The following MTR variants were observed in gnomAD, a reference collection of about 807,000 sequenced individuals.
MTR encodes the protein 5-methyltetrahydrofolate-homocysteine methyltransferase.
MTR carries 84 observed loss-of-function variants against 154.8 expected under a neutral mutation model. The observed-to-expected ratio is 0.54, with a 90% CI of 0.45 to 0.65. The LOEUF is 0.65. Among genes scored for constraint, MTR ranks in the 30% least tolerant of loss-of-function variants. The pLI is 0.00. For synonymous variants in MTR, 554 were observed against 553.9 expected (o/e 1.00, Z 0.00); for missense variants, 1,275 against 1,570.2 (o/e 0.81, Z 3.18).
chr1:236,822,315 T>C (rs1237402114), intron 8 of MTR, among the ~76,000 whole-genome samples: 1 of 148,660 alleles, frequency 6.7e-6, no homozygotes, highest in Admixed American at 6.7e-5. Context: ...TTTTTTTGTT[T>C]TTTTTTTTTT....
At chr1:236,897,339 C>CACACACACACACACACACAT (rs1666717920) in intron 32 of MTR, among the ~76,000 whole-genome samples, 4 of 151,364 alleles carry the variant, frequency 2.6e-5, no homozygotes, top group Admixed American at 2.6e-4. Flanking sequence ...CACACACACA[C>CACACACACACACACACACAT]ACACATACAG....
intron 14 of MTR, among the ~76,000 whole-genome samples, chr1:236,837,785 G>C (rs1662994696): frequency 6.6e-6 from 1 of 152,076 alleles, no homozygotes; most frequent in South Asian, 2.1e-4. Flanking sequence ...TCATTTCTTT[G>C]TATCAATCTA....
At chr1:236,816,695 C>T (rs1661614140) in intron 8 of MTR, 152 bp downstream of exon 8, 1 of 741,516 alleles carries the variant, frequency 1.3e-6, no homozygotes, top group African/African-American at 1.7e-5. Context: ...TCAGACTTTT[C>T]CCTAAAGGTT....
intron 19 of MTR, among the ~76,000 whole-genome samples, chr1:236,860,410 G>T (rs61059567): frequency 0.5 from 53,040 of 105,176 alleles, 10,154 homozygotes; most frequent in Admixed American, 0.53. Flanking sequence ...GTTTTGTTTT[G>T]TTTTTTTTTG....
At chr1:236,877,405 C>T (rs1446805156) in intron 24 of MTR, among the ~76,000 whole-genome samples, 1 of 152,202 alleles carries the variant, frequency 6.6e-6, no homozygotes, top group Non-Finnish European at 1.5e-5. Context: ...CAGCAGGTTC[C>T]TCCACCCAGT....
At chr1:236,884,738 T>C (rs1665925481) in intron 25 of MTR, among the ~76,000 whole-genome samples, 1 of 152,142 alleles carries the variant, frequency 6.6e-6, no homozygotes, top group Non-Finnish European at 1.5e-5. Context: ...AATTGTTCAG[T>C]CTTCAGTCCC....
At chr1:236,848,202 G>A (rs1210797865) in intron 15 of MTR, among the ~76,000 whole-genome samples, 1 of 151,150 alleles carries the variant, frequency 6.6e-6, no homozygotes, top group African/African-American at 2.4e-5. Context: ...GCACCTGCTT[G>A]TCCCACAAGC....
At chr1:236,834,494 T>G (rs1662789683) in intron 13 of MTR, among the ~76,000 whole-genome samples, 1 of 152,182 alleles carries the variant, frequency 6.6e-6, no homozygotes, top group African/African-American at 2.4e-5. Context: ...TTTACTGAAT[T>G]TAAGTGTGAT....
intron 19 of MTR, 49 bp downstream of exon 19, chr1:236,859,971 A>G: frequency 6.7e-7 from 1 of 1,495,038 alleles, no homozygotes; most frequent in Non-Finnish European, 9.3e-7. Context: ...ATCATGGCTG[A>G]CTGATCCTGT....
chr1:236,830,399 C>T (rs539947561), intron 12 of MTR, among the ~76,000 whole-genome samples: 59 of 151,868 alleles, frequency 3.9e-4, no homozygotes, highest in Middle Eastern at 6.9e-3. Context: ...AACAAGAGAG[C>T]CATTTACATA....
chr1:236,882,284 G>A (rs1311821963), intron 25 of MTR, among the ~76,000 whole-genome samples: 1 of 152,108 alleles, frequency 6.6e-6, no homozygotes, highest in African/African-American at 2.4e-5. Flanking sequence ...TCCTTTCAGA[G>A]GCAAGACTTT....
intron 9 of MTR, among the ~76,000 whole-genome samples, chr1:236,824,937 T>G (rs1295569724): frequency 2.6e-5 from 4 of 152,204 alleles, no homozygotes; most frequent in Admixed American, 2.6e-4. Flanking sequence ...TTGATTTTTG[T>G]TTGTTTTTAA....
intron 2 of MTR, among the ~76,000 whole-genome samples, chr1:236,804,034 A>G (rs1299183540): frequency 1.4e-5 from 2 of 140,494 alleles, no homozygotes; most frequent in African/African-American, 4.9e-5. Flanking sequence ...ACTGGGTTAT[A>G]CAAGCACACA....
At chr1:236,801,532 C>G (rs1456482091) in intron 1 of MTR, among the ~76,000 whole-genome samples, 1 of 152,184 alleles carries the variant, frequency 6.6e-6, no homozygotes, top group African/African-American at 2.4e-5. Flanking sequence ...CCAATACCAG[C>G]TTACAAATAT....
Position 236,862,341 on chromosome 1 carries a change from G to T in MTR, c.2302G>T (p.Glu768Ter). The T allele has an allele frequency of 6.2e-7, 1 of 1,612,432 alleles. No homozygotes were observed. Reference protein sequence around the residue: ...TRVLNGTVEEEDPYQGTIVLA... With the variant: ...TRVLNGTVEE ...AGTGCTTAACGGCACAGTAGAAGAA[G>T]AGGCAAGTCATTTTGTTCAGGCCTA... The change falls in exon 21 of 33, where the codon GAG becomes TAG. Residue 768 changes from glutamate to a stop codon, truncating the protein, a stop_gained and splice_region_variant. Coordinates refer to ENST00000366577, the MANE Select transcript of MTR (RefSeq NM_000254.3). LOFTEE classifies it high-confidence loss of function.
intron 15 of MTR, among the ~76,000 whole-genome samples, chr1:236,839,785 G>A (rs772135062): frequency 7.2e-5 from 11 of 152,094 alleles, no homozygotes; most frequent in Admixed American, 3.9e-4. Context: ...AAAAAGCTGA[G>A]AACACTAAAT....
chr1:236,884,420 G>C (rs574946211), intron 25 of MTR, among the ~76,000 whole-genome samples: 2 of 152,316 alleles, frequency 1.3e-5, no homozygotes, highest in East Asian at 3.9e-4. Flanking sequence ...CAGGTTCAAA[G>C]TTTCACTAGA....
Position 236,891,213 on chromosome 1 carries a change from G to C in MTR, c.3088G>C (p.Gly1030Arg). 2 of 1,614,088 alleles carry C rather than the reference G, an allele frequency of 1.2e-6. No individual in the cohort carries two copies. The highest frequency in any genetic ancestry group is 1.7e-6 in the Non-Finnish European group (2 of 1,180,016). ...LISQKKLRAR[G>R]VVGFWPAQSI... Reference sequence around the variant, plus strand: ...TAGTCAAAAGAAACTCCGGGCCCGGGGTGTGGTTGGGTTCTGGCCAGCACA... The same window carrying C: ...TAGTCAAAAGAAACTCCGGGCCCGGCGTGTGGTTGGGTTCTGGCCAGCACA... Residue 1030 changes from glycine to arginine, a missense_variant, in exon 29 of 33, where the codon GGT becomes CGT. By Grantham distance (125) the Gly-to-Arg change is moderately radical. Coordinates refer to ENST00000366577, the MANE Select transcript of MTR (RefSeq NM_000254.3).
chr1:236,828,212 C>T (rs966587044), intron 11 of MTR, among the ~76,000 whole-genome samples: 6 of 152,126 alleles, frequency 3.9e-5, no homozygotes, highest in African/African-American at 1.2e-4. Context: ...CTCCTGACCT[C>T]GTGGTCCGCT....
Sources: allele counts gnomAD v4.1 joint callset (sites outside exome capture counted in the v4.1 genomes callset), GRCh38; gene constraint gnomAD v4.1.1; transcripts MANE v1.5; gene names NCBI Gene and HGNC (gene_info 2026-07-23, HGNC 2026-07-21).